The following MPC1 variants were observed in gnomAD, a reference collection of about 807,000 sequenced individuals.
MPC1 encodes HSPC040 protein.
MPC1 carries 6 observed loss-of-function variants against 13.9 expected under a neutral mutation model. The observed-to-expected ratio is 0.43, with a 90% confidence interval of 0.24 to 0.85. The LOEUF is 0.85. MPC1 is among the 40% of genes least tolerant of loss of function. The pLI, the probability that MPC1 is intolerant of heterozygous loss-of-function variation, is 0.24. For missense variants in MPC1, 115 were observed against 143.3 expected (o/e 0.80, Z 1.01); for synonymous variants, 47 against 50.5 (o/e 0.93, Z 0.29).
chr6:166,373,712 C>T lies in MPC1; in HGVS notation c.72-3491G>A, dbSNP rs547793394. 2.4e-4 allele frequency among the ~76,000 whole-genome samples: 36 copies of T among 152,320 alleles called. 1 individual carries two copies. The highest frequency in any genetic ancestry group is 2.1e-3 in the South Asian group (10 of 4,834). On this transcript the variant is annotated intron_variant, in intron 1 of 4. Transcript: ENST00000360961. ...TATTATTTTGCATTCCCACCAGCAA[C>T]GAATGAGAGTTCCTGTTGATTCACA...
intron 1 of MPC1, among the ~76,000 whole-genome samples, chr6:166,374,350 G>A (rs548567396): frequency 6.6e-6 from 1 of 152,112 alleles, no homozygotes; most frequent in Non-Finnish European, 1.5e-5. Flanking sequence ...TATCAGTTAT[G>A]TCCTCTGCAA....
chr6:166,381,689 G>GC, intron 1 of MPC1: 1 of 361,796 alleles, frequency 2.8e-6, no homozygotes, highest in Non-Finnish European at 3.8e-6. Context: ...TATAGAAAGT[G>GC]TATTTTCAGG....
intron 1 of MPC1, among the ~76,000 whole-genome samples, chr6:166,374,691 C>T (rs1016444364): frequency 2.0e-5 from 3 of 152,190 alleles, no homozygotes; most frequent in Admixed American, 6.5e-5. Context: ...ACTGTCTTTA[C>T]TACATTGTTT....
At chr6:166,368,152 GT>G (rs1389160649) in intron 2 of MPC1, among the ~76,000 whole-genome samples, 1 of 152,184 alleles carries the variant, frequency 6.6e-6, no homozygotes, top group African/African-American at 2.4e-5. Flanking sequence ...CAGACTGCAT[GT>G]TATCTAAGAT....
At chr6:166,369,879 A>AG (rs1554265382) in intron 2 of MPC1, 2 of 435,568 alleles carry the variant, frequency 4.6e-6, no homozygotes, top group Non-Finnish European at 8.6e-6. Flanking sequence ...TCCACCCTAC[A>AG]GGAAAAAATC....
chr6:166,373,989 T>C (rs1413418205), intron 1 of MPC1, among the ~76,000 whole-genome samples: 1 of 152,046 alleles, frequency 6.6e-6, no homozygotes, highest in African/African-American at 2.4e-5. Flanking sequence ...TGGGTTTTGT[T>C]GGCTTGTTTT....
chr6:166,380,884 A>G (rs1330307214), intron 1 of MPC1, among the ~76,000 whole-genome samples: 2 of 146,888 alleles, frequency 1.4e-5, no homozygotes, highest in Non-Finnish European at 1.5e-5. Context: ...GGTTTGGATG[A>G]GCCAAAATAG....
intron 1 of MPC1, among the ~76,000 whole-genome samples, chr6:166,376,656 C>G (rs1044731778): frequency 2.0e-5 from 3 of 152,332 alleles, no homozygotes; most frequent in South Asian, 2.1e-4. Context: ...AAAGTTGACA[C>G]CTAAAATTAA....
At chr6:166,374,202 A>G (rs1779489221) in intron 1 of MPC1, among the ~76,000 whole-genome samples, 1 of 152,154 alleles carries the variant, frequency 6.6e-6, no homozygotes, top group African/African-American at 2.4e-5. Context: ...CATGTTGGCC[A>G]GGCTGGTCTC....
chr6:166,379,395 G>A (rs1779684179), intron 1 of MPC1, among the ~76,000 whole-genome samples: 1 of 152,220 alleles, frequency 6.6e-6, no homozygotes, highest in South Asian at 2.1e-4. Context: ...TCGGGAGGCT[G>A]AGGCAGGAGG....
chr6:166,375,636 T>C (rs1424461523), intron 1 of MPC1, among the ~76,000 whole-genome samples: 1 of 152,224 alleles, frequency 6.6e-6, no homozygotes, highest in East Asian at 1.9e-4. Context: ...AAAAAATTTA[T>C]CTTGAGATTT....
At chr6:166,380,868 G>A (rs1026748107) in intron 1 of MPC1, among the ~76,000 whole-genome samples, 3 of 150,786 alleles carry the variant, frequency 2.0e-5, no homozygotes, top group South Asian at 2.1e-4. Flanking sequence ...GAACCCAGGA[G>A]GCGGAGGTTT....
At chr6:166,376,628 G>A (rs1276410665) in intron 1 of MPC1, among the ~76,000 whole-genome samples, 1 of 152,098 alleles carries the variant, frequency 6.6e-6, no homozygotes, top group African/African-American at 2.4e-5. Context: ...CATCTATCTG[G>A]GTATCTGTTA....
At chr6:166,376,303 G>T (rs1779567816) in intron 1 of MPC1, among the ~76,000 whole-genome samples, 1 of 152,186 alleles carries the variant, frequency 6.6e-6, no homozygotes, top group East Asian at 1.9e-4. Context: ...TGAGAACTAG[G>T]GGAGCCAATG....
At chr6:166,370,151 T>C (rs1779322806) in intron 2 of MPC1, 67 bp downstream of exon 2, 1 of 780,878 alleles carries the variant, frequency 1.3e-6, no homozygotes. Flanking sequence ...GCTAAGCCTG[T>C]TACCCCTAAC....
chr6:166,382,908 C>A lies in MPC1; in HGVS notation c.-32G>T. ...GCCGACACCAGACCCCGAGTGGTCCCTGCCTCTGCTGCCGCTTCCCAGAGC... is the reference window on the plus strand; with the variant it reads ...GCCGACACCAGACCCCGAGTGGTCCATGCCTCTGCTGCCGCTTCCCAGAGC... On this transcript the variant is annotated 5_prime_UTR_variant, in exon 1 of 5. In the 5' UTR this introduces an upstream ATG that the reference lacks. Coordinates refer to ENST00000360961, the MANE Select transcript of MPC1 (RefSeq NM_016098.4). The A allele has an allele frequency of 6.4e-7, 1 of 1,574,262 alleles. No homozygotes were observed. Among genetic ancestry groups the A allele is most frequent in the East Asian group, 2.5e-5 (1 of 40,746 alleles).
chr6:166,368,658 A>C, intron 2 of MPC1: 3,131 of 376,646 alleles, frequency 8.3e-3, no homozygotes, highest in Non-Finnish European at 0.01. Context: ...TAGATGCAAT[A>C]TGGCCAGTTT....
chr6:166,377,571 T>C (rs1016127186), intron 1 of MPC1, among the ~76,000 whole-genome samples: 2 of 152,248 alleles, frequency 1.3e-5, no homozygotes, highest in African/African-American at 4.8e-5. Flanking sequence ...CAGCCTAGCA[T>C]AGTATATTTC....
At chr6:166,369,009 GT>G (rs1779274519) in intron 2 of MPC1, 4 of 890,426 alleles carry the variant, frequency 4.5e-6, no homozygotes, top group Non-Finnish European at 5.4e-6. Context: ...GGTTGTGAAT[GT>G]GTCTTCTTTC....
Sources: allele counts gnomAD v4.1 joint callset (sites outside exome capture counted in the v4.1 genomes callset), GRCh38; gene constraint gnomAD v4.1.1; transcripts MANE v1.5; gene names NCBI Gene and HGNC (gene_info 2026-07-23, HGNC 2026-07-21).